The following KCNAB1 variants were observed in gnomAD, a reference collection of about 807,000 sequenced individuals.
KCNAB1 encodes the protein potassium voltage-gated channel subfamily A regulatory beta subunit 1.
In KCNAB1, 35 loss-of-function variants were observed where a neutral mutation model predicts 64.6. The ratio of observed to expected loss-of-function variants is 0.54; its 90% CI spans 0.41 to 0.72. The LOEUF (loss-of-function observed/expected upper bound fraction) is 0.72. Among genes scored for constraint, KCNAB1 ranks in the 30% least tolerant of loss-of-function variants. The pLI is 0.00. For missense variants in KCNAB1, 401 were observed against 512.9 expected, an observed-to-expected ratio of 0.78 and a Z score of 2.11; for synonymous variants, 177 against 183.8, an observed-to-expected ratio of 0.96 and a Z score of 0.30.
chr3:156,224,031 C>G (rs1715979786), intron 1 of KCNAB1, among the ~76,000 whole-genome samples: 1 of 152,230 alleles, frequency 6.6e-6, no homozygotes, highest in African/African-American at 2.4e-5. Flanking sequence ...ATGTGAGACT[C>G]AGGCATGGCG....
intron 1 of KCNAB1, among the ~76,000 whole-genome samples, chr3:156,180,671 G>A (rs914448804): frequency 2.0e-5 from 3 of 152,140 alleles, no homozygotes; most frequent in African/African-American, 4.8e-5. Flanking sequence ...AAGGCTCTGA[G>A]TTAGATGCAA....
intron 1 of KCNAB1, among the ~76,000 whole-genome samples, chr3:156,272,473 C>T (rs144988824): frequency 3.3e-5 from 5 of 152,210 alleles, no homozygotes; most frequent in South Asian, 2.1e-4. Context: ...AGACGAGTCT[C>T]GCCATGTTCA....
intron 1 of KCNAB1, among the ~76,000 whole-genome samples, chr3:156,231,637 G>T (rs563555852): frequency 1.3e-5 from 2 of 150,872 alleles, no homozygotes; most frequent in South Asian, 2.1e-4. Context: ...TTTACAACCC[G>T]CTCTCTCTCT....
At chr3:156,180,242 A>G (rs576480669) in intron 1 of KCNAB1, among the ~76,000 whole-genome samples, 5 of 152,244 alleles carry the variant, frequency 3.3e-5, no homozygotes, top group Non-Finnish European at 7.3e-5. Context: ...ATAAGGAAGC[A>G]GACTTGGAGA....
intron 1 of KCNAB1, among the ~76,000 whole-genome samples, chr3:156,159,830 G>T (rs557478162): frequency 6.6e-6 from 1 of 152,276 alleles, no homozygotes; most frequent in South Asian, 2.1e-4. Flanking sequence ...TTGCACAATA[G>T]AATTGTTCAA....
chr3:156,184,074 C>T (rs13085540), intron 1 of KCNAB1, among the ~76,000 whole-genome samples: 24,707 of 152,082 alleles, frequency 0.16, 2,164 homozygotes, highest in African/African-American at 0.18. Context: ...ATGCTGTTAG[C>T]TATTATTATA....
At chr3:156,384,974 A>C (rs1560230800) in intron 1 of KCNAB1, among the ~76,000 whole-genome samples, 1 of 152,214 alleles carries the variant, frequency 6.6e-6, no homozygotes, top group Non-Finnish European at 1.5e-5. Flanking sequence ...CATGGGAAGG[A>C]AAAGAAAACA....
chr3:156,320,021 G>A (rs1007442421), intron 1 of KCNAB1, among the ~76,000 whole-genome samples: 2 of 152,170 alleles, frequency 1.3e-5, no homozygotes, highest in Non-Finnish European at 2.9e-5. Flanking sequence ...ACTGTGGGCA[G>A]GAGCAGGGCT....
chr3:156,425,830 A>G (rs1239565393), intron 2 of KCNAB1, among the ~76,000 whole-genome samples: 1 of 152,176 alleles, frequency 6.6e-6, no homozygotes, highest in Non-Finnish European at 1.5e-5. Context: ...AGGGCAAGTG[A>G]AGCGTGAAGA....
At chr3:156,128,460 T>C (rs1381318990) in intron 1 of KCNAB1, among the ~76,000 whole-genome samples, 3 of 152,244 alleles carry the variant, frequency 2.0e-5, no homozygotes, top group Non-Finnish European at 4.4e-5. Flanking sequence ...GACAGATATG[T>C]TTAATTTTTT....
At chr3:156,252,436 C>T (rs1056538076) in intron 1 of KCNAB1, among the ~76,000 whole-genome samples, 6 of 152,112 alleles carry the variant, frequency 3.9e-5, no homozygotes, top group African/African-American at 1.4e-4. Context: ...TCTAATTCTG[C>T]CTGAATCTAC....
At chr3:156,280,114 G>A (rs1156906022) in intron 1 of KCNAB1, among the ~76,000 whole-genome samples, 1 of 147,666 alleles carries the variant, frequency 6.8e-6, no homozygotes, top group African/African-American at 2.5e-5. Flanking sequence ...TAACGTTTAA[G>A]TCTTTAATCC....
At chr3:156,445,828 T>C (rs1283960015) in intron 2 of KCNAB1, among the ~76,000 whole-genome samples, 1 of 152,188 alleles carries the variant, frequency 6.6e-6, no homozygotes, top group Non-Finnish European at 1.5e-5. Context: ...TTCAAAATGG[T>C]AGGAGAAGAG....
chr3:156,377,089 G>T (rs1272827898), intron 1 of KCNAB1, among the ~76,000 whole-genome samples: 1 of 152,114 alleles, frequency 6.6e-6, no homozygotes, highest in African/African-American at 2.4e-5. Context: ...GGATGTATCT[G>T]GTTTTAAGGG....
intron 1 of KCNAB1, among the ~76,000 whole-genome samples, chr3:156,207,358 A>G (rs1241925910): frequency 1.3e-5 from 2 of 152,176 alleles, no homozygotes; most frequent in Admixed American, 6.5e-5. Flanking sequence ...TTAGTCCTTG[A>G]TAATGGGCTC....
chr3:156,259,164 G>A (rs1358813924), intron 1 of KCNAB1, among the ~76,000 whole-genome samples: 2 of 152,150 alleles, frequency 1.3e-5, no homozygotes, highest in Non-Finnish European at 2.9e-5. Context: ...TAGGAGTTTT[G>A]CCTGAGGTTA....
chr3:156,406,232 A>C (rs994171186), intron 1 of KCNAB1, among the ~76,000 whole-genome samples: 2 of 152,236 alleles, frequency 1.3e-5, no homozygotes, highest in African/African-American at 4.8e-5. Context: ...TCTAATGAGC[A>C]TTACCTCAAT....
intron 1 of KCNAB1, among the ~76,000 whole-genome samples, chr3:156,126,405 A>T (rs879883422): frequency 6.6e-6 from 1 of 152,182 alleles, no homozygotes; most frequent in Non-Finnish European, 1.5e-5. Context: ...AATTTGTAGG[A>T]GAAAGCTGAT....
chr3:156,226,184 C>T (rs1716148697), intron 1 of KCNAB1, among the ~76,000 whole-genome samples: 1 of 152,178 alleles, frequency 6.6e-6, no homozygotes, highest in South Asian at 2.1e-4. Flanking sequence ...AGGCCACAGT[C>T]ACCAAAACAG....
Sources: allele counts gnomAD v4.1 joint callset (sites outside exome capture counted in the v4.1 genomes callset), GRCh38; gene constraint gnomAD v4.1.1; transcripts MANE v1.5; gene names NCBI Gene and HGNC (gene_info 2026-07-23, HGNC 2026-07-21).